The following KIAA1217 variants were observed in gnomAD, a reference collection of about 807,000 sequenced individuals.
KIAA1217 encodes sickle tail protein homolog.
KIAA1217 carries 88 observed loss-of-function variants against 163.9 expected under a neutral mutation model. That is an observed-to-expected ratio of 0.54 (90% CI 0.45 to 0.64). The LOEUF (loss-of-function observed/expected upper bound fraction) is 0.64. Among genes scored for constraint, KIAA1217 ranks in the 30% least tolerant of loss-of-function variants. The pLI, the probability that KIAA1217 is intolerant of heterozygous loss-of-function variation, is 0.00. For synonymous variants in KIAA1217, 903 were observed against 923.1 expected, an observed-to-expected ratio of 0.98 and a Z score of 0.39; for missense variants, 2,372 against 2,475.0, an observed-to-expected ratio of 0.96 and a Z score of 0.88.
intron 2 of KIAA1217, among the ~76,000 whole-genome samples, chr10:24,141,816 C>T (rs968968530): frequency 6.6e-6 from 1 of 152,100 alleles, no homozygotes; most frequent in African/African-American, 2.4e-5. Context: ...CTGCTGGCAC[C>T]TTGATCTTGG....
intron 1 of KIAA1217, among the ~76,000 whole-genome samples, chr10:23,848,237 C>A (rs1270379695): frequency 6.6e-6 from 1 of 151,928 alleles, no homozygotes; most frequent in African/African-American, 2.4e-5. Flanking sequence ...TCCACTTGGT[C>A]CACAGCTGAG....
intron 2 of KIAA1217, among the ~76,000 whole-genome samples, chr10:24,195,826 G>A (rs74345292): frequency 0.016 from 2,461 of 152,252 alleles, 66 homozygotes; most frequent in African/African-American, 0.051. Flanking sequence ...TGCTGATTAT[G>A]TCATTGAAAA....
chr10:23,912,208 C>T (rs575650077), intron 1 of KIAA1217, among the ~76,000 whole-genome samples: 3 of 152,134 alleles, frequency 2.0e-5, no homozygotes, highest in Non-Finnish European at 4.4e-5. Flanking sequence ...GCCTCCAATT[C>T]TTAGCCTTCT....
At chr10:24,258,885 G>A (rs7068584) in intron 2 of KIAA1217, among the ~76,000 whole-genome samples, 53,060 of 151,996 alleles carry the variant, frequency 0.35, 9,485 homozygotes, top group African/African-American at 0.38. Context: ...GAGCCACCGC[G>A]CCCGGCCGGC....
intron 2 of KIAA1217, among the ~76,000 whole-genome samples, chr10:24,351,546 A>G (rs755390259): frequency 1.3e-5 from 2 of 152,164 alleles, no homozygotes; most frequent in Non-Finnish European, 2.9e-5. Flanking sequence ...AGAGCTGGAG[A>G]GCCAGGGAGA....
At chr10:24,523,671 CA>C (rs138928740) in intron 12 of KIAA1217, among the ~76,000 whole-genome samples, 20,115 of 152,058 alleles carry the variant, frequency 0.13, 1,522 homozygotes, top group Admixed American at 0.16. Context: ...CCATTTTATG[CA>C]AAAGCACCTG....
At chr10:24,144,335 C>T (rs568197752) in intron 2 of KIAA1217, among the ~76,000 whole-genome samples, 1 of 152,180 alleles carries the variant, frequency 6.6e-6, no homozygotes, top group Non-Finnish European at 1.5e-5. Flanking sequence ...GAGCAAAGGG[C>T]AGAGGGAAAT....
intron 1 of KIAA1217, among the ~76,000 whole-genome samples, chr10:24,001,297 G>T (rs564000909): frequency 6.6e-6 from 1 of 152,126 alleles, no homozygotes; most frequent in Non-Finnish European, 1.5e-5. Context: ...GCAGCCATTC[G>T]GTGAGTTCTT....
intron 2 of KIAA1217, among the ~76,000 whole-genome samples, chr10:24,299,921 G>A (rs528863627): frequency 4.6e-5 from 7 of 152,060 alleles, no homozygotes; most frequent in Non-Finnish European, 1.0e-4. Context: ...ACCCCCAGAA[G>A]CTGTGCATGC....
intron 2 of KIAA1217, among the ~76,000 whole-genome samples, chr10:24,056,051 C>T (rs984912637): frequency 1.3e-5 from 2 of 151,986 alleles, no homozygotes; most frequent in African/African-American, 4.8e-5. Context: ...AAAAAAAAAG[C>T]TCCAATGCAA....
intron 2 of KIAA1217, among the ~76,000 whole-genome samples, chr10:24,362,734 C>T (rs1564540227): frequency 6.6e-6 from 1 of 152,156 alleles, no homozygotes; most frequent in Non-Finnish European, 1.5e-5. Flanking sequence ...GGCGCGGTGG[C>T]TCACGCCTAT....
intron 1 of KIAA1217, among the ~76,000 whole-genome samples, chr10:23,960,040 C>G (rs544746895): frequency 6.6e-6 from 1 of 150,912 alleles, no homozygotes; most frequent in Non-Finnish European, 1.5e-5. Flanking sequence ...CTCAGCCTCC[C>G]GAGTAGCTGC....
intron 1 of KIAA1217, among the ~76,000 whole-genome samples, chr10:23,814,978 C>T (rs1837249636): frequency 1.3e-5 from 2 of 152,050 alleles, no homozygotes; most frequent in African/African-American, 2.4e-5. Context: ...TGATAAATTC[C>T]CCAGGCTTAG....
intron 1 of KIAA1217, among the ~76,000 whole-genome samples, chr10:23,962,599 C>A (rs927927068): frequency 6.6e-6 from 1 of 152,146 alleles, no homozygotes; most frequent in Non-Finnish European, 1.5e-5. Flanking sequence ...TCTGATTATT[C>A]TTAGAAAACT....
intron 1 of KIAA1217, among the ~76,000 whole-genome samples, chr10:23,868,756 A>G (rs1372528889): frequency 2.0e-5 from 3 of 152,178 alleles, no homozygotes; most frequent in Non-Finnish European, 4.4e-5. Flanking sequence ...CTGCGTTGTC[A>G]GGATGTTTGC....
At chr10:24,166,793 G>A (rs946011808) in intron 2 of KIAA1217, among the ~76,000 whole-genome samples, 1 of 152,026 alleles carries the variant, frequency 6.6e-6, no homozygotes, top group Non-Finnish European at 1.5e-5. Flanking sequence ...CATATAGAAA[G>A]CATAAATATT....
chr10:24,044,672 T>C (rs1467381778), intron 2 of KIAA1217, among the ~76,000 whole-genome samples: 1 of 152,154 alleles, frequency 6.6e-6, no homozygotes, highest in Non-Finnish European at 1.5e-5. Context: ...TTATCATAAT[T>C]AGTTTTCCAT....
rs542494242 is a variant in KIAA1217 at position 23,919,281 on chromosome 10, C to T, written c.-320-87944C>T. On this transcript the variant is annotated intron_variant, in intron 1 of 18. Transcript: ENST00000376462. Reference sequence around the variant, plus strand: ...ATTTCTCTTGGCTGCAACCAACCCCCACCCCACTAAATCTCAATTCCTCCT... The same window carrying T: ...ATTTCTCTTGGCTGCAACCAACCCCTACCCCACTAAATCTCAATTCCTCCT... 9.2e-5 allele frequency among the ~76,000 whole-genome samples: 14 copies of T among 152,068 alleles called. No individual in the cohort carries two copies. In the South Asian group the frequency reaches 1.9e-3, roughly 20 times the overall value.
At chr10:23,910,950 C>T (rs377166038) in intron 1 of KIAA1217, among the ~76,000 whole-genome samples, 2 of 152,150 alleles carry the variant, frequency 1.3e-5, no homozygotes, top group East Asian at 3.9e-4. Flanking sequence ...TCAGCAATGG[C>T]CATACCCTGG....
Sources: gnomAD v4.1 joint callset for allele counts (sites outside exome capture counted in the v4.1 genomes callset) on GRCh38, gnomAD v4.1.1 for gene constraint, MANE v1.5 for transcripts, NCBI Gene and HGNC (gene_info 2026-07-23, HGNC 2026-07-21) for gene names.